CACNA1D: variants seen among roughly 807,000 people sequenced by gnomAD.
The protein encoded by CACNA1D is calcium voltage-gated channel subunit alpha1 D, also known as voltage-dependent L-type calcium channel subunit alpha-1D.
Under a neutral mutation model 257.1 loss-of-function variants are expected in CACNA1D, and 55 were observed. That is an observed-to-expected ratio of 0.21 (90% confidence interval 0.17 to 0.27). The LOEUF (loss-of-function observed/expected upper bound fraction) is 0.27. CACNA1D is among the 10% of genes least tolerant of loss of function. The pLI is 1.00. For missense variants in CACNA1D, 1,876 were observed against 2,784.0 expected, an observed-to-expected ratio of 0.67 and a Z score of 7.34; for synonymous variants, 980 against 1,014.9, an observed-to-expected ratio of 0.97 and a Z score of 0.65.
intron 3 of CACNA1D, among the ~76,000 whole-genome samples, chr3:53,621,824 A>C (rs950460797): frequency 9.9e-5 from 15 of 152,214 alleles, no homozygotes; most frequent in African/African-American, 3.6e-4. Flanking sequence ...AGATATTTTT[A>C]ATAGAAGATA....
At chr3:53,522,522 A>G (rs2091618777) in intron 3 of CACNA1D, among the ~76,000 whole-genome samples, 1 of 152,234 alleles carries the variant, frequency 6.6e-6, no homozygotes. Context: ...ATAGAGCTGA[A>G]AGATGCTTGC....
At chr3:53,656,063 A>T (rs2094144943) in intron 4 of CACNA1D, among the ~76,000 whole-genome samples, 1 of 151,692 alleles carries the variant, frequency 6.6e-6, no homozygotes, top group South Asian at 2.1e-4. Flanking sequence ...TGTTTTTGTC[A>T]CCTTTGTCGA....
intron 30 of CACNA1D, among the ~76,000 whole-genome samples, chr3:53,766,774 G>A (rs1473027870): frequency 2.0e-5 from 3 of 152,302 alleles, no homozygotes; most frequent in African/African-American, 7.2e-5. Flanking sequence ...GCTGAAGAAT[G>A]TGACATCTTA....
chr3:53,577,020 A>G (rs907339465), intron 3 of CACNA1D, among the ~76,000 whole-genome samples: 1 of 151,872 alleles, frequency 6.6e-6, no homozygotes, highest in Non-Finnish European at 1.5e-5. Flanking sequence ...TTTCTCTTTC[A>G]TTTTCTACAG....
chr3:53,525,773 C>T (rs2091741879), intron 3 of CACNA1D, among the ~76,000 whole-genome samples: 1 of 152,060 alleles, frequency 6.6e-6, no homozygotes, highest in African/African-American at 2.4e-5. Flanking sequence ...GGATAGATGG[C>T]CTTGAGCTTG....
At chr3:53,781,795 T>C (rs566805923) in intron 39 of CACNA1D, 128 bp downstream of exon 39, 28 of 739,760 alleles carry the variant, frequency 3.8e-5, no homozygotes, top group Non-Finnish European at 5.9e-5. Context: ...GGCCAACTGA[T>C]AAAGAAAGCC....
chr3:53,545,632 T>TG (rs1176623370), intron 3 of CACNA1D, among the ~76,000 whole-genome samples: 1 of 152,190 alleles, frequency 6.6e-6, no homozygotes, highest in Admixed American at 6.5e-5. Flanking sequence ...CAAAGTAATT[T>TG]GGGGGTCAGG....
chr3:53,582,426 G>A (rs1292031157), intron 3 of CACNA1D, among the ~76,000 whole-genome samples: 1 of 152,090 alleles, frequency 6.6e-6, no homozygotes, highest in African/African-American at 2.4e-5. Context: ...GTGGATCCTG[G>A]GTGGCAGGAG....
chr3:53,780,007 C>T lies in CACNA1D; in HGVS notation c.4588-19C>T, dbSNP rs370309334. ...CACTCATTTGCATTCTACAAAGAAA[C>T]CTTCCTTTCTGTTTACAGAGATTAG... On this transcript the variant is annotated intron_variant, in intron 37 of 47. Coordinates refer to ENST00000350061, the MANE Select transcript of CACNA1D (RefSeq NM_001128840.3). The T allele has an allele frequency of 1.2e-5, 19 of 1,555,544 alleles. No individual in the cohort carries two copies. Among genetic ancestry groups the T allele is most frequent in the Middle Eastern group, 1.7e-4 (1 of 5,946 alleles).
chr3:53,751,997 A>G lies in CACNA1D; in HGVS notation c.3675+90A>G. On this transcript the variant is annotated intron_variant, in intron 28 of 47. Transcript: ENST00000350061. This position sits in a 1 kb window ranked among gnomAD's most constrained non-coding sequence, Gnocchi z 4.3. ...CTGAGGGTGGAATGCTGCCCCTCACAGGAGGGGTTTGATTTTTCTGATGAG... is the reference window on the plus strand; with the variant it reads ...CTGAGGGTGGAATGCTGCCCCTCACGGGAGGGGTTTGATTTTTCTGATGAG... 7.6e-7 allele frequency: 1 copy of G among 1,308,512 alleles called. No homozygotes were observed. The highest frequency in any genetic ancestry group is 1.1e-6 in the Non-Finnish European group (1 of 902,738). 81.1% of individuals were successfully genotyped at this position (1,308,512 alleles called of 1,614,324 possible). A position where few individuals can be genotyped will look rare whatever the true frequency, so the allele number is the denominator to read the frequency against.
chr3:53,609,704 A>G (rs1234198209), intron 3 of CACNA1D, among the ~76,000 whole-genome samples: 2 of 152,146 alleles, frequency 1.3e-5, no homozygotes, highest in African/African-American at 4.8e-5. Flanking sequence ...GTTGATGTTG[A>G]AAAAACCACC....
chr3:53,761,036 G>A (rs1179830365), intron 29 of CACNA1D, among the ~76,000 whole-genome samples: 1 of 152,210 alleles, frequency 6.6e-6, no homozygotes, highest in African/African-American at 2.4e-5. Flanking sequence ...GACTGCGAAG[G>A]TTCCATCAGG....
intron 40 of CACNA1D, 152 bp downstream of exon 40, chr3:53,787,104 C>T (rs1325241260): frequency 1.3e-6 from 1 of 786,060 alleles, no homozygotes; most frequent in East Asian, 2.8e-5. Flanking sequence ...GTGGACTAGC[C>T]ATTTCTGGGC....
chr3:53,507,021 T>TA (rs2090874266), intron 3 of CACNA1D, among the ~76,000 whole-genome samples: 1 of 140,430 alleles, frequency 7.1e-6, no homozygotes, highest in Non-Finnish European at 1.5e-5. Flanking sequence ...TGTAGGGGAC[T>TA]ATGAGTGAGC....
chr3:53,729,196 A>G (rs79155145), intron 15 of CACNA1D, among the ~76,000 whole-genome samples: 3,172 of 152,308 alleles, frequency 0.021, 111 homozygotes, highest in African/African-American at 0.072. Flanking sequence ...TTGCAGCTCC[A>G]GTTAAAAAAT....
intron 8 of CACNA1D, among the ~76,000 whole-genome samples, chr3:53,697,505 G>A (rs6445595): frequency 0.5 from 75,409 of 152,012 alleles, 19,044 homozygotes; most frequent in East Asian, 0.71. Flanking sequence ...ATATGTAATA[G>A]CATGAATTTG....
At chr3:53,499,584 G>A (rs1344957822) in intron 2 of CACNA1D, among the ~76,000 whole-genome samples, 6 of 152,060 alleles carry the variant, frequency 3.9e-5, no homozygotes, top group African/African-American at 1.4e-4. Context: ...TCTTATGGCA[G>A]TGAGATGGTA....
chr3:53,759,599 G>A (rs1240677748), intron 29 of CACNA1D, among the ~76,000 whole-genome samples: 2 of 152,236 alleles, frequency 1.3e-5, no homozygotes, highest in African/African-American at 2.4e-5. Context: ...CTAGAGGGGA[G>A]GGGAAGGATC....
intron 30 of CACNA1D, among the ~76,000 whole-genome samples, chr3:53,763,210 A>G (rs2108956958): frequency 6.6e-6 from 1 of 152,346 alleles, no homozygotes; most frequent in Middle Eastern, 3.4e-3. Context: ...GGGCCAGGGA[A>G]AAGAGGGCCG....
Sources: gnomAD v4.1 joint callset for allele counts (sites outside exome capture counted in the v4.1 genomes callset) on GRCh38, gnomAD v4.1.1 for gene constraint, Gnocchi (gnomAD v3.1) non-coding constraint, MANE v1.5 for transcripts, NCBI Gene and HGNC (gene_info 2026-07-23, HGNC 2026-07-21) for gene names.